The following CRLF2 variants were observed in gnomAD, a reference collection of about 807,000 sequenced individuals.
CRLF2 encodes cytokine receptor like factor 2, also known as cytokine receptor-like factor 2.
In CRLF2, 41 loss-of-function variants were observed where a neutral mutation model predicts 38.7. That is an observed-to-expected ratio of 1.06 (90% CI 0.83 to 1.37). The LOEUF (loss-of-function observed/expected upper bound fraction) is 1.37. CRLF2 is among the 40% of genes most tolerant of loss of function. The probability of loss-of-function intolerance (pLI) is 0.00; values close to 1 mark genes in which losing one functional copy is unlikely to be tolerated. For missense variants in CRLF2, 377 were observed against 322.2 expected (o/e 1.17, Z -1.30); for synonymous variants, 140 against 128.8 (o/e 1.09, Z -0.59).
At chrX:1,206,211 A>G (rs1199207043) in intron 3 of CRLF2, among the ~76,000 whole-genome samples, 4 of 151,960 alleles carry the variant, frequency 2.6e-5, no homozygotes, top group African/African-American at 9.7e-5. Flanking sequence ...TTCCTTTTCA[A>G]TAGTTACGGG....
At chrX:1,212,418 GAAAAAAAAAAAAA>G in intron 1 of CRLF2, 125 bp downstream of exon 1, 1 of 429,022 alleles carries the variant, frequency 2.3e-6, no homozygotes, top group Non-Finnish European at 4.0e-6. Flanking sequence ...CTTGAACCCG[GAAAAAAAAAAAAA>G]AAAAAAAGAA....
At chrX:1,191,358 TTTCC>T (rs2086376601) in intron 7 of CRLF2, among the ~76,000 whole-genome samples, 198 bp from the exon 8 acceptor site, 1 of 103,714 alleles carries the variant, frequency 9.6e-6, no homozygotes, top group African/African-American at 3.4e-5. Context: ...TCTTTCTTTC[TTTCC>T]TTTCTTTCTC....
Position 1,207,740 on chromosome X carries a change from C to T in CRLF2, c.182+1066G>A, listed in dbSNP as rs1250353165. On this transcript the variant is annotated intron_variant, in intron 2 of 7. Coordinates refer to ENST00000400841, the MANE Select transcript of CRLF2 (RefSeq NM_022148.4). The stretch of plus-strand genomic sequence containing the variant: ...TCTCGGCTCACCGTGAACTCCGTCT[C>T]CCAGGTTGAAGCGATTCTCTTGCCT... Among the ~76,000 whole-genome samples, 3 of 151,700 alleles carry T rather than the reference C, an allele frequency of 2.0e-5. No individual in the cohort carries two copies. The East Asian group carries it at 5.8e-4, about 30-fold the overall frequency.
intron 1 of CRLF2, among the ~76,000 whole-genome samples, chrX:1,211,747 AAGTG>A (rs1378847462): frequency 0.051 from 1,409 of 27,734 alleles, 31 homozygotes; most frequent in African/African-American, 0.095. Flanking sequence ...ATGGATGGAT[AAGTG>A]GATAAAAGTG....
intron 5 of CRLF2, 85 bp from the exon 6 acceptor site, chrX:1,196,985 A>T: frequency 2.6e-6 from 3 of 1,152,314 alleles, no homozygotes; most frequent in Non-Finnish European, 3.5e-6. Flanking sequence ...TCTCATCCCT[A>T]ACCAGTCTCC....
At chrX:1,201,385 T>C (rs1358187279) in intron 4 of CRLF2, among the ~76,000 whole-genome samples, 3 of 150,146 alleles carry the variant, frequency 2.0e-5, no homozygotes, top group Non-Finnish European at 3.0e-5. Flanking sequence ...GAGATACAGG[T>C]AGAGATAGGA....
intron 7 of CRLF2, among the ~76,000 whole-genome samples, chrX:1,192,591 T>C (rs1206808804): frequency 2.0e-5 from 3 of 151,606 alleles, no homozygotes; most frequent in African/African-American, 7.3e-5. Flanking sequence ...TCTTTCTTCC[T>C]TCCTTTCTTC....
At position 1,202,553 on chromosome X, in the gene CRLF2, C is replaced by T. The variant is rs775899644; in HGVS notation, c.350-18G>A. 68 of 1,613,538 alleles carry T rather than the reference C, an allele frequency of 4.2e-5. No homozygotes were observed. Among genetic ancestry groups the T allele is most frequent in the South Asian group, 2.1e-4 (19 of 91,076 alleles). On this transcript the variant is annotated intron_variant, in intron 3 of 7. Coordinates refer to ENST00000400841, the MANE Select transcript of CRLF2 (RefSeq NM_022148.4). ...GGGTTTCACTGAGAAGAAGAAATAA[C>T]GGAAGCGACGTCCCTCCTCTCTGAG...
At chrX:1,211,257 G>GTGGA (rs772836935) in intron 1 of CRLF2, among the ~76,000 whole-genome samples, 5,673 of 107,696 alleles carry the variant, frequency 0.053, 260 homozygotes, top group African/African-American at 0.098. Flanking sequence ...GGATGGATGG[G>GTGGA]TGGATGGATG....
chrX:1,191,515 C>A (rs1310159378), intron 7 of CRLF2, among the ~76,000 whole-genome samples: 1 of 150,300 alleles, frequency 6.7e-6, no homozygotes, highest in Non-Finnish European at 1.5e-5. Flanking sequence ...GACACCAATA[C>A]CCTTGTAAAC....
chrX:1,206,040 G>A (rs1365841536), intron 3 of CRLF2, among the ~76,000 whole-genome samples: 2 of 151,964 alleles, frequency 1.3e-5, no homozygotes, highest in Non-Finnish European at 1.5e-5. Context: ...ACTATCATGA[G>A]ATTGCTTTTC....
chrX:1,195,584 T>C (rs2086459720), intron 6 of CRLF2, among the ~76,000 whole-genome samples: 1 of 148,664 alleles, frequency 6.7e-6, no homozygotes, highest in Non-Finnish European at 1.5e-5. Flanking sequence ...ATTTTATTTT[T>C]TCCTTTTTTT....
chrX:1,192,697 C>G (rs1249211145), intron 7 of CRLF2, among the ~76,000 whole-genome samples: 1 of 117,092 alleles, frequency 8.5e-6, no homozygotes, highest in African/African-American at 3.2e-5. Context: ...CTTTCTTTTT[C>G]TTTTCTTTTC....
chrX:1,193,352 AG>A (rs1437107418), intron 6 of CRLF2, 50 bp from the exon 7 acceptor site: 1 of 398,402 alleles, frequency 2.5e-6, no homozygotes, highest in African/African-American at 2.1e-5. Context: ...CCCCGCAGGA[AG>A]GGTTGGCAAG....
intron 6 of CRLF2, among the ~76,000 whole-genome samples, chrX:1,195,331 G>A (rs1459338686): frequency 2.0e-5 from 3 of 152,164 alleles, no homozygotes; most frequent in African/African-American, 7.2e-5. Context: ...TTCAGTGAGA[G>A]ATGGAGCAAA....
intron 3 of CRLF2, among the ~76,000 whole-genome samples, chrX:1,204,689 T>G (rs1325389611): frequency 2.0e-5 from 3 of 148,134 alleles, no homozygotes; most frequent in Non-Finnish European, 4.5e-5. Context: ...CCTGGCTAAT[T>G]TTTTTTAAAT....
At chrX:1,199,071 C>T (rs1242756159) in intron 4 of CRLF2, 1 of 405,816 alleles carries the variant, frequency 2.5e-6, no homozygotes, top group East Asian at 7.0e-5. Flanking sequence ...ATCGCTTGAA[C>T]CTGGGAGGCG....
intron 3 of CRLF2, among the ~76,000 whole-genome samples, chrX:1,205,716 G>A (rs1569471832): frequency 6.6e-6 from 1 of 152,030 alleles, no homozygotes; most frequent in East Asian, 1.9e-4. Context: ...CTGATCCTGC[G>A]ACTTGCTAGA....
chrX:1,200,391 A>G (rs1324070998), intron 4 of CRLF2, among the ~76,000 whole-genome samples: 2 of 115,674 alleles, frequency 1.7e-5, no homozygotes, highest in African/African-American at 5.9e-5. Context: ...GTATGTATAT[A>G]TGTGTGTGTA....
Sources: allele counts gnomAD v4.1 joint callset (sites outside exome capture counted in the v4.1 genomes callset), GRCh38; gene constraint gnomAD v4.1.1; transcripts MANE v1.5; gene names NCBI Gene and HGNC (gene_info 2026-07-23, HGNC 2026-07-21).